Variants in SSBP3 observed in about 807,000 individuals in gnomAD.
SSBP3 encodes the protein single stranded DNA binding protein 3.
In SSBP3, 5 loss-of-function variants were observed where a neutral mutation model predicts 69.6. That is an observed-to-expected ratio of 0.07 (90% CI 0.04 to 0.15). SSBP3 has a LOEUF of 0.15. Among genes scored for constraint, SSBP3 ranks in the 10% least tolerant of loss-of-function variants. SSBP3 has a pLI of 1.00. For synonymous variants in SSBP3, 196 were observed against 193.4 expected (o/e 1.01, Z -0.11); for missense variants, 312 against 534.0 (o/e 0.58, Z 4.10).
upstream of SSBP3, among the ~76,000 whole-genome samples, chr1:54,407,471 C>A (rs879444400): frequency 2.0e-5 from 3 of 152,074 alleles, no homozygotes; most frequent in African/African-American, 4.8e-5. Context: ...GCAGAGTGAC[C>A]CAGCTATTTG....
intron 4 of SSBP3, among the ~76,000 whole-genome samples, chr1:54,355,026 A>G (rs994404474): frequency 6.6e-6 from 1 of 152,164 alleles, no homozygotes; most frequent in African/African-American, 2.4e-5. Flanking sequence ...AAGGAAGGGG[A>G]GGGTGAGGCT....
chr1:54,249,228 G>A (rs1570255332), intron 9 of SSBP3, among the ~76,000 whole-genome samples: 1 of 152,284 alleles, frequency 6.6e-6, no homozygotes, highest in South Asian at 2.1e-4. Context: ...TCAGTGTTAC[G>A]ATGGTCCTAA....
chr1:54,266,040 A>G (rs1395744071), intron 5 of SSBP3, among the ~76,000 whole-genome samples: 1 of 152,260 alleles, frequency 6.6e-6, no homozygotes, highest in Non-Finnish European at 1.5e-5. Context: ...AAGGGAGGAA[A>G]CATGGCAAAC....
At chr1:54,250,362 T>G (rs946277609) in intron 9 of SSBP3, among the ~76,000 whole-genome samples, 2 of 151,660 alleles carry the variant, frequency 1.3e-5, no homozygotes, top group Non-Finnish European at 2.9e-5. Flanking sequence ...AAGCGGTGGC[T>G]TGGGCTTGCT....
chr1:54,401,989 C>G, intron 3 of SSBP3, 44 bp from the exon 4 acceptor site: 1 of 1,562,448 alleles, frequency 6.4e-7, no homozygotes, highest in South Asian at 1.1e-5. Context: ...CTAATTATTA[C>G]TTGTGTACAC....
chr1:54,241,641 TC>T, intron 11 of SSBP3, 132 bp from the exon 12 acceptor site: 1 of 936,908 alleles, frequency 1.1e-6, no homozygotes. Context: ...CCCACTTGGT[TC>T]CCCTGGGAGG....
chr1:54,340,240 C>T (rs1646584026), intron 4 of SSBP3, among the ~76,000 whole-genome samples: 1 of 152,204 alleles, frequency 6.6e-6, no homozygotes, highest in African/African-American at 2.4e-5. Flanking sequence ...AAGAAACACC[C>T]TGCACAAAGA....
chr1:54,373,966 G>A (rs72665952), intron 4 of SSBP3, among the ~76,000 whole-genome samples: 3 of 151,888 alleles, frequency 2.0e-5, no homozygotes, highest in Non-Finnish European at 2.9e-5. Flanking sequence ...AGTTCATCCC[G>A]TTATCCCCAC....
intron 4 of SSBP3, among the ~76,000 whole-genome samples, chr1:54,316,693 TAAATAAATAAATAAATAAAATA>T (rs1646118440): frequency 7.9e-6 from 1 of 127,112 alleles, no homozygotes; most frequent in Non-Finnish European, 1.6e-5. Flanking sequence ...AATAAATAAA[TAAATAAATAAATAAATAAAATA>T]AAATAAAATA....
intron 7 of SSBP3, among the ~76,000 whole-genome samples, chr1:54,252,686 C>A (rs866193646): frequency 1.3e-5 from 2 of 152,342 alleles, no homozygotes; most frequent in Admixed American, 6.5e-5. Context: ...TTGCCCCACC[C>A]GCTGTGAAAC....
At chr1:54,299,816 C>T (rs78082808) in intron 4 of SSBP3, among the ~76,000 whole-genome samples, 2,867 of 152,268 alleles carry the variant, frequency 0.019, 98 homozygotes, top group African/African-American at 0.066. Context: ...ATCGCTCACA[C>T]GGCAGGCTCA....
intron 9 of SSBP3, among the ~76,000 whole-genome samples, chr1:54,244,172 C>T (rs931177637): frequency 5.3e-5 from 8 of 151,996 alleles, no homozygotes; most frequent in Admixed American, 6.6e-5. Context: ...GGCATGATCT[C>T]GGTTCACTGC....
At chr1:54,390,683 G>A (rs566790836) in intron 4 of SSBP3, among the ~76,000 whole-genome samples, 1 of 152,180 alleles carries the variant, frequency 6.6e-6, no homozygotes, top group Non-Finnish European at 1.5e-5. Context: ...CGGAGATAAC[G>A]TGGTGGCTGA....
chr1:54,401,630 T>C (rs541630980), intron 4 of SSBP3, among the ~76,000 whole-genome samples: 9 of 152,318 alleles, frequency 5.9e-5, no homozygotes, highest in African/African-American at 2.2e-4. Context: ...CGGATAGATA[T>C]CTACACAATT....
chr1:54,366,248 G>A (rs1647028087), intron 4 of SSBP3, among the ~76,000 whole-genome samples: 1 of 152,084 alleles, frequency 6.6e-6, no homozygotes, highest in Non-Finnish European at 1.5e-5. Flanking sequence ...GACTCTGAAG[G>A]CAGAGTACTA....
intron 4 of SSBP3, among the ~76,000 whole-genome samples, chr1:54,291,301 C>T (rs975206308): frequency 1.3e-5 from 2 of 152,178 alleles, no homozygotes; most frequent in Middle Eastern, 3.2e-3. Flanking sequence ...TGTGACAGGA[C>T]AAAATGTACA....
chr1:54,404,808 T>TC (rs760237753), intron 2 of SSBP3, 50 bp downstream of exon 2: 2 of 631,356 alleles, frequency 3.2e-6, no homozygotes, highest in East Asian at 3.3e-5. Context: ...CTAAGAATAG[T>TC]GGGGGGGGGG....
chr1:54,373,551 A>C (rs1292388001), intron 4 of SSBP3, among the ~76,000 whole-genome samples: 1 of 151,988 alleles, frequency 6.6e-6, no homozygotes, highest in African/African-American at 2.4e-5. Context: ...ATTGCTTGAG[A>C]CCAGGAGTTC....
intron 4 of SSBP3, among the ~76,000 whole-genome samples, chr1:54,318,674 C>T (rs1352789689): frequency 6.6e-6 from 1 of 152,104 alleles, no homozygotes; most frequent in East Asian, 1.9e-4. Flanking sequence ...AGGAATGTGT[C>T]CATAGCCTGC....
Sources: gnomAD v4.1 joint callset for allele counts (sites outside exome capture counted in the v4.1 genomes callset) on GRCh38, gnomAD v4.1.1 for gene constraint, MANE v1.5 for transcripts, NCBI Gene and HGNC (gene_info 2026-07-23, HGNC 2026-07-21) for gene names.